NALF1: variants seen among roughly 807,000 people sequenced by gnomAD.
NALF1 encodes the protein NALCN channel auxiliary factor 1.
Under a neutral mutation model 48.4 loss-of-function variants are expected in NALF1, and 3 were observed. The ratio of observed to expected loss-of-function variants is 0.06; its 90% CI spans 0.03 to 0.16. The LOEUF (loss-of-function observed/expected upper bound fraction) is 0.16, where lower values mean the gene tolerates loss of function less well. Among genes scored for constraint, NALF1 ranks in the 10% least tolerant of loss-of-function variants. NALF1 has a pLI of 1.00. For synonymous variants in NALF1, 262 were observed against 245.7 expected, an observed-to-expected ratio of 1.07 and a Z score of -0.62; for missense variants, 526 against 571.5, an observed-to-expected ratio of 0.92 and a Z score of 0.81.
chr13:107,281,262 C>T (rs982298278), intron 1 of NALF1, among the ~76,000 whole-genome samples: 2 of 152,056 alleles, frequency 1.3e-5, no homozygotes, highest in African/African-American at 2.4e-5. Context: ...ACATGGTTGA[C>T]GATGATAAGT....
intron 1 of NALF1, among the ~76,000 whole-genome samples, chr13:107,381,385 A>G (rs1454836753): frequency 1.3e-5 from 2 of 151,884 alleles, no homozygotes; most frequent in Non-Finnish European, 2.9e-5. Context: ...TTCTGTAGAG[A>G]TGGGGTCTCA....
At chr13:107,755,130 T>A (rs1012137971) in intron 1 of NALF1, among the ~76,000 whole-genome samples, 9 of 151,186 alleles carry the variant, frequency 6.0e-5, no homozygotes, top group Non-Finnish European at 1.3e-4. Flanking sequence ...CAATTGTTAT[T>A]TTTTTTTTGC....
chr13:107,649,320 T>A (rs1187990670), intron 1 of NALF1, among the ~76,000 whole-genome samples: 1 of 152,224 alleles, frequency 6.6e-6, no homozygotes, highest in Non-Finnish European at 1.5e-5. Flanking sequence ...CCTCTGTAGA[T>A]TAAAACATCA....
intron 1 of NALF1, among the ~76,000 whole-genome samples, chr13:107,251,001 C>G (rs968439697): frequency 6.6e-6 from 1 of 152,120 alleles, no homozygotes; most frequent in Non-Finnish European, 1.5e-5. Flanking sequence ...TCTGCAGAAC[C>G]GTGAGCCAAC....
At chr13:107,849,206 G>A (rs2138640635) in intron 1 of NALF1, among the ~76,000 whole-genome samples, 1 of 152,244 alleles carries the variant, frequency 6.6e-6, no homozygotes, top group South Asian at 2.1e-4. Context: ...ACAATGTTTG[G>A]AAAGTGATAT....
chr13:107,299,483 T>C (rs1594110129), intron 1 of NALF1, among the ~76,000 whole-genome samples: 1 of 143,582 alleles, frequency 7.0e-6, no homozygotes, highest in South Asian at 2.2e-4. Context: ...AATAAATAAA[T>C]AAATAAAAAA....
intron 1 of NALF1, among the ~76,000 whole-genome samples, chr13:107,554,328 G>A (rs530216783): frequency 5.3e-5 from 8 of 152,278 alleles, no homozygotes; most frequent in East Asian, 1.9e-4. Flanking sequence ...CCAGAAGTCC[G>A]GGGGGAAAAA....
At chr13:107,288,324 A>T (rs952456078) in intron 1 of NALF1, among the ~76,000 whole-genome samples, 1 of 144,510 alleles carries the variant, frequency 6.9e-6, no homozygotes, top group South Asian at 2.2e-4. Context: ...GGTTCACGCC[A>T]TTCTCCTGCC....
intron 1 of NALF1, among the ~76,000 whole-genome samples, chr13:107,374,037 G>A (rs536212984): frequency 2.6e-5 from 4 of 152,230 alleles, no homozygotes; most frequent in African/African-American, 9.6e-5. Context: ...GAAAATTATT[G>A]ATTTATTAAA....
At chr13:107,416,174 A>AT (rs369522653) in intron 1 of NALF1, among the ~76,000 whole-genome samples, 46,285 of 143,568 alleles carry the variant, frequency 0.32, 8,202 homozygotes, top group African/African-American at 0.5. Flanking sequence ...GCCCGGCTAA[A>AT]TTTTTTTTTT....
At chr13:107,471,599 T>C (rs1313256376) in intron 1 of NALF1, among the ~76,000 whole-genome samples, 1 of 152,238 alleles carries the variant, frequency 6.6e-6, no homozygotes. Flanking sequence ...TAATTTATTA[T>C]ATGTTGGCTT....
chr13:107,728,897 G>C (rs1267070151), intron 1 of NALF1, among the ~76,000 whole-genome samples: 1 of 152,138 alleles, frequency 6.6e-6, no homozygotes, highest in Non-Finnish European at 1.5e-5. Flanking sequence ...GACATCTGCT[G>C]AACTAGCTAC....
intron 1 of NALF1, among the ~76,000 whole-genome samples, chr13:107,835,967 C>T (rs547683916): frequency 1.3e-5 from 2 of 152,020 alleles, no homozygotes; most frequent in African/African-American, 2.4e-5. Context: ...AGCACAGAGC[C>T]GGTCTGCTTT....
At chr13:107,749,502 T>C (rs1463230798) in intron 1 of NALF1, among the ~76,000 whole-genome samples, 3 of 152,046 alleles carry the variant, frequency 2.0e-5, no homozygotes, top group African/African-American at 4.8e-5. Flanking sequence ...CTGTATTTTA[T>C]TTAAACCAAC....
chr13:107,253,765 G>T (rs1461707691), intron 1 of NALF1, among the ~76,000 whole-genome samples: 1 of 151,932 alleles, frequency 6.6e-6, no homozygotes, highest in Admixed American at 6.6e-5. Flanking sequence ...CAGTACCTTT[G>T]TGCATGCCAC....
chr13:107,360,423 C>T (rs1883041445), intron 1 of NALF1, among the ~76,000 whole-genome samples: 1 of 152,174 alleles, frequency 6.6e-6, no homozygotes, highest in African/African-American at 2.4e-5. Context: ...AAACATCTCA[C>T]CCTTTCACAT....
chr13:107,797,097 C>T (rs1002197320), intron 1 of NALF1, among the ~76,000 whole-genome samples: 3 of 152,178 alleles, frequency 2.0e-5, no homozygotes, highest in African/African-American at 7.2e-5. Context: ...AGGAGGTGAT[C>T]GTGTTTCCTT....
At chr13:107,354,406 A>G (rs968479422) in intron 1 of NALF1, among the ~76,000 whole-genome samples, 1 of 152,120 alleles carries the variant, frequency 6.6e-6, no homozygotes, top group Non-Finnish European at 1.5e-5. Context: ...GAACTGTGTG[A>G]CGGTCAGCCA....
At chr13:107,220,630 T>G (rs1879972439) in intron 1 of NALF1, among the ~76,000 whole-genome samples, 1 of 152,082 alleles carries the variant, frequency 6.6e-6, no homozygotes, top group East Asian at 1.9e-4. Context: ...TAGGGCAGGT[T>G]AAAAATTTCA....
Sources: allele counts gnomAD v4.1 joint callset (sites outside exome capture counted in the v4.1 genomes callset), GRCh38; gene constraint gnomAD v4.1.1; transcripts MANE v1.5; gene names NCBI Gene and HGNC (gene_info 2026-07-23, HGNC 2026-07-21).